The following RGS5 variants were observed in gnomAD, a reference collection of about 807,000 sequenced individuals.
RGS5 encodes regulator of G protein signaling 5, also known as regulator of G-protein signalling 5.
A neutral mutation model predicts 18.9 loss-of-function variants in RGS5; 20 were observed. The ratio of observed to expected loss-of-function variants is 1.06; its 90% CI spans 0.74 to 1.54. RGS5 has a LOEUF of 1.54. Among genes scored for constraint, RGS5 ranks in the 40% most tolerant of loss-of-function variants. The pLI, the probability that RGS5 is intolerant of heterozygous loss-of-function variation, is 0.00. For missense variants in RGS5, 201 were observed against 211.8 expected (o/e 0.95, Z 0.32); for synonymous variants, 57 against 76.2 (o/e 0.75, Z 1.31).
chr1:163,220,479 CCT>C (rs1348974361), upstream of RGS5, among the ~76,000 whole-genome samples: 5 of 152,134 alleles, frequency 3.3e-5, no homozygotes, highest in Admixed American at 2.0e-4. Flanking sequence ...CTCCTCTTTT[CCT>C]CTCTTTTACA....
intron 2 of RGS5, among the ~76,000 whole-genome samples, chr1:163,251,649 A>G (rs1648110315): frequency 6.6e-6 from 1 of 152,110 alleles, no homozygotes; most frequent in African/African-American, 2.4e-5. Flanking sequence ...TCCAACCTAC[A>G]TATTGTGCTA....
intron 2 of RGS5, among the ~76,000 whole-genome samples, chr1:163,298,445 TAGA>T (rs2101730244): frequency 6.6e-6 from 1 of 152,010 alleles, no homozygotes; most frequent in South Asian, 2.1e-4. Context: ...GGCCAGATGA[TAGA>T]AGTTTTTATA....
chr1:163,186,578 C>CAAAAAA (rs34092786), intron 1 of RGS5, among the ~76,000 whole-genome samples: 15 of 95,500 alleles, frequency 1.6e-4, no homozygotes, highest in East Asian at 3.0e-4. Context: ...GACTCTGTCT[C>CAAAAAA]AAAAAAAAAA....
intron 3 of RGS5, among the ~76,000 whole-genome samples, chr1:163,157,779 G>C (rs549095373): frequency 4.6e-5 from 7 of 152,158 alleles, no homozygotes; most frequent in African/African-American, 1.7e-4. Context: ...CCAGGCTAGA[G>C]AGCAGTGGTA....
intron 1 of RGS5, among the ~76,000 whole-genome samples, chr1:163,169,867 G>A (rs1270011267): frequency 1.3e-5 from 2 of 151,940 alleles, no homozygotes; most frequent in East Asian, 3.9e-4. Context: ...ACTATCTTAT[G>A]TGCAGTAAGC....
chr1:163,243,491 CA>C (rs1223978447), intron 2 of RGS5, among the ~76,000 whole-genome samples: 1 of 151,438 alleles, frequency 6.6e-6, no homozygotes, highest in Non-Finnish European at 1.5e-5. Flanking sequence ...ACTAAAAATA[CA>C]AAAAATTAGC....
chr1:163,210,788 T>C, intron 1 of RGS5: 1 of 152,228 alleles, frequency 6.6e-6, no homozygotes, highest in East Asian at 1.9e-4. Flanking sequence ...TTAATTTCTG[T>C]CTAGGATTTT....
chr1:163,246,175 C>G (rs760968281), intron 2 of RGS5, among the ~76,000 whole-genome samples: 1 of 150,764 alleles, frequency 6.6e-6, no homozygotes, highest in Non-Finnish European at 1.5e-5. Flanking sequence ...GAGCCAAGAT[C>G]GCGCCACTGC....
At chr1:163,254,837 A>G (rs1427362267) in intron 2 of RGS5, among the ~76,000 whole-genome samples, 2 of 151,520 alleles carry the variant, frequency 1.3e-5, no homozygotes, top group African/African-American at 4.9e-5. Context: ...AGGTGTAAGG[A>G]AGGGATCCAG....
At chr1:163,195,422 G>A (rs1055565630) in intron 1 of RGS5, among the ~76,000 whole-genome samples, 5 of 151,594 alleles carry the variant, frequency 3.3e-5, no homozygotes, top group African/African-American at 7.3e-5. Flanking sequence ...GGGGAATCAG[G>A]GGGCAAGGGT....
upstream of RGS5, among the ~76,000 whole-genome samples, chr1:163,218,389 T>C (rs1187871166): frequency 2.0e-5 from 3 of 152,210 alleles, no homozygotes; most frequent in East Asian, 5.8e-4. Context: ...TACAAATATC[T>C]TAAAATATCA....
intron 1 of RGS5, among the ~76,000 whole-genome samples, chr1:163,195,432 T>G (rs1659525356): frequency 6.8e-6 from 1 of 146,210 alleles, no homozygotes; most frequent in African/African-American, 2.5e-5. Context: ...GGGGCAAGGG[T>G]GAAAGGGGGA....
At chr1:163,276,207 T>G (rs1304206903) in intron 2 of RGS5, among the ~76,000 whole-genome samples, 1 of 152,126 alleles carries the variant, frequency 6.6e-6, no homozygotes, top group Non-Finnish European at 1.5e-5. Context: ...TTGGTCAGGC[T>G]GGTCTCGAAC....
chr1:163,284,833 T>C (rs537022810), intron 2 of RGS5, among the ~76,000 whole-genome samples: 1 of 151,950 alleles, frequency 6.6e-6, no homozygotes, highest in South Asian at 2.1e-4. Context: ...TTCTTTCAAG[T>C]TCAAGTTATT....
At chr1:163,175,600 T>C (rs10753605) in intron 1 of RGS5, among the ~76,000 whole-genome samples, 43,937 of 152,020 alleles carry the variant, frequency 0.29, 7,448 homozygotes, top group East Asian at 0.65. Context: ...CGGGTGATTG[T>C]GGTGGAAAGA....
At chr1:163,234,776 G>T (rs1647577440) in intron 2 of RGS5, among the ~76,000 whole-genome samples, 2 of 152,174 alleles carry the variant, frequency 1.3e-5, no homozygotes, top group Admixed American at 1.3e-4. Context: ...TGAATTGGCT[G>T]GTTTTGTCTG....
At chr1:163,257,963 C>A (rs1352077176) in intron 2 of RGS5, among the ~76,000 whole-genome samples, 2 of 152,152 alleles carry the variant, frequency 1.3e-5, no homozygotes, top group Non-Finnish European at 2.9e-5. Flanking sequence ...CCTATGGCAC[C>A]TTAAAAGACA....
At chr1:163,317,741 C>A (rs17358541) in intron 1 of RGS5, among the ~76,000 whole-genome samples, 6,987 of 152,264 alleles carry the variant, frequency 0.046, 203 homozygotes, top group South Asian at 0.092. Flanking sequence ...AGTTCCTAGA[C>A]TGTGTTCTTC....
intron 2 of RGS5, among the ~76,000 whole-genome samples, chr1:163,240,429 G>GA (rs547057880): frequency 0.018 from 2,563 of 142,866 alleles, 22 homozygotes; most frequent in African/African-American, 0.03. Flanking sequence ...TCATGGTGGG[G>GA]AAAAAAAAAA....
Sources: allele counts gnomAD v4.1 joint callset (sites outside exome capture counted in the v4.1 genomes callset), GRCh38; gene constraint gnomAD v4.1.1; transcripts MANE v1.5; gene names NCBI Gene and HGNC (gene_info 2026-07-23, HGNC 2026-07-21).